The following KCNS3 variants were observed in gnomAD, a reference collection of about 807,000 sequenced individuals.
KCNS3 encodes the protein potassium voltage-gated channel modifier subfamily S member 3, also known as delayed-rectifier potassium channel regulatory subunit KCNS3.
In KCNS3, 13 loss-of-function variants were observed where a neutral mutation model predicts 31.0. That is an observed-to-expected ratio of 0.42 (90% CI 0.27 to 0.67). The LOEUF is 0.67. KCNS3 is among the 30% of genes least tolerant of loss of function. The probability of loss-of-function intolerance (pLI) is 0.25; values close to 1 mark genes in which losing one functional copy is unlikely to be tolerated. For missense variants in KCNS3, 545 were observed against 622.4 expected (o/e 0.88, Z 1.32); for synonymous variants, 238 against 241.5 (o/e 0.99, Z 0.13).
chr2:17,905,864 C>A (rs973966616), intron 1 of KCNS3, among the ~76,000 whole-genome samples: 3 of 151,932 alleles, frequency 2.0e-5, no homozygotes, highest in Admixed American at 6.6e-5. Flanking sequence ...TTGGTTTGCC[C>A]GTATTTTATT....
Position 17,883,367 on chromosome 2 carries a change from A to G in KCNS3, c.-252+4561A>G, listed in dbSNP as rs554207362. Among the ~76,000 whole-genome samples the G allele has an allele frequency of 2.7e-4, 34 of 124,974 alleles. No individual in the cohort carries two copies. The South Asian group carries it at 9.0e-3, about 33-fold the overall frequency. 82.0% of individuals were successfully genotyped at this position (124,974 alleles called of 152,430 possible). A position where few individuals can be genotyped will look rare whatever the true frequency, so the allele number is the denominator to read the frequency against. The stretch of plus-strand genomic sequence containing the variant: ...TTATGTACTATGCTAGGTGCTGGGT[A>G]TACTGTGGTAAAGGAAACGGTGGGG... On this transcript the variant is annotated intron_variant, in intron 1 of 2. Transcript: ENST00000304101.
chr2:17,931,366 C>T lies in KCNS3; in HGVS notation c.358C>T (p.Arg120Cys), dbSNP rs1398464477. ...ELFIDSCCSN[R>C]YQERKEENHE... ...CTTCATTGATTCTTGCTGCAGCAAT[C>T]GCTACCAGGAACGCAAGGAGGAAAA... The change falls in exon 3 of 3, where the codon CGC (arginine) becomes TGC (cysteine). Residue 120 changes from arginine to cysteine, a missense_variant. Physicochemically the swap from Arg to Cys is radical, Grantham distance 180 (BLOSUM62 -3). Coordinates refer to ENST00000304101, the MANE Select transcript of KCNS3 (RefSeq NM_002252.5). This position sits in a 1 kb window ranked among gnomAD's most constrained non-coding sequence, Gnocchi z 5.4. The T allele has an allele frequency of 5.6e-6, 9 of 1,614,104 alleles. No homozygotes were observed. Among genetic ancestry groups the T allele is most frequent in the Admixed American group, 1.7e-5 (1 of 60,014 alleles).
chr2:17,907,325 C>T (rs1662347173), intron 1 of KCNS3, among the ~76,000 whole-genome samples: 1 of 152,180 alleles, frequency 6.6e-6, no homozygotes, highest in Non-Finnish European at 1.5e-5. Context: ...GATCTTCCTC[C>T]ATCCCTTTAT....
At chr2:17,930,102 G>A (rs572766113) in intron 2 of KCNS3, among the ~76,000 whole-genome samples, 7 of 152,276 alleles carry the variant, frequency 4.6e-5, no homozygotes, top group African/African-American at 1.4e-4. Flanking sequence ...AACAGGCCAC[G>A]TGCTCAGCCA....
chr2:17,914,125 C>T lies in KCNS3; in HGVS notation c.-251-3555C>T, dbSNP rs553119870. On this transcript the variant is annotated intron_variant, in intron 1 of 2. Transcript: ENST00000304101. ...AACTACAGAATTTCACCTCAGGTGTCCCAGAGCTGATCAAACTGTAGGAGG... is the reference window on the plus strand; with the variant it reads ...AACTACAGAATTTCACCTCAGGTGTTCCAGAGCTGATCAAACTGTAGGAGG... 1.6e-4 allele frequency among the ~76,000 whole-genome samples: 24 copies of T among 152,304 alleles called. No individual in the cohort carries two copies. In the South Asian group the frequency reaches 3.7e-3, roughly 24 times the overall value.
rs1437034236 is a variant in KCNS3, at chr2:17,931,280, T to C, written c.272T>C (p.Met91Thr). The change falls in exon 3 of 3, where the codon ATG becomes ACG. Residue 91 changes from methionine (M) to threonine (T), a missense_variant. Met to Thr is a moderately conservative substitution (Grantham distance 81). Transcript: ENST00000304101. This position sits in a 1 kb window ranked among gnomAD's most constrained non-coding sequence, Gnocchi z 5.4. ...NFYYTGKLHVMEELCVFSFCQ... is the reference protein window; with the variant it reads ...NFYYTGKLHVTEELCVFSFCQ... ...TATTACACGGGGAAGCTGCATGTCA[T>C]GGAGGAGCTGTGCGTATTCTCATTC... The C allele has an allele frequency of 1.9e-6, 3 of 1,614,066 alleles. No homozygotes were observed. In the African/African-American group the frequency reaches 4.0e-5, roughly 22 times the overall value.
In KCNS3 at chr2:17,931,408, G is replaced by A; in HGVS notation, c.400G>A (p.Asp134Asn). Residue 134 changes from aspartate (D) to asparagine (N), a missense_variant, in exon 3 of 3, where the codon GAC (aspartate) becomes AAC (asparagine). By Grantham distance (23) the Asp-to-Asn change is conservative. Coordinates refer to ENST00000304101, the MANE Select transcript of KCNS3 (RefSeq NM_002252.5). The surrounding 1 kb of genome is among the most constrained non-coding windows in gnomAD (Gnocchi z 5.4). Reference sequence around the variant, plus strand: ...GGAGGAAAACCACGAGAAGGACTGGGACCAGAAAAGCCATGATGTGAGTAC... The same window carrying A: ...GGAGGAAAACCACGAGAAGGACTGGAACCAGAAAAGCCATGATGTGAGTAC... ...RKEENHEKDW[D>N]QKSHDVSTDS... 1 of 1,614,178 alleles carries A rather than the reference G, an allele frequency of 6.2e-7. No homozygotes were observed. Among genetic ancestry groups the A allele is most frequent in the Non-Finnish European group, 8.5e-7 (1 of 1,180,030 alleles).
intron 1 of KCNS3, among the ~76,000 whole-genome samples, chr2:17,907,382 C>T (rs1040206897): frequency 6.6e-6 from 1 of 152,184 alleles, no homozygotes; most frequent in African/African-American, 2.4e-5. Flanking sequence ...CTCCTGAATA[C>T]AGCGCACTGA....
intron 2 of KCNS3, among the ~76,000 whole-genome samples, chr2:17,926,440 G>A (rs901245514): frequency 6.6e-6 from 1 of 152,228 alleles, no homozygotes; most frequent in African/African-American, 2.4e-5. Flanking sequence ...TTTCTGCACT[G>A]CCCTAGCAGA....
At chr2:17,888,636 T>TAC (rs1396566765) in intron 1 of KCNS3, among the ~76,000 whole-genome samples, 5 of 65,920 alleles carry the variant, frequency 7.6e-5, no homozygotes. Context: ...AATGTATATA[T>TAC]ATATATATAT....
intron 1 of KCNS3, among the ~76,000 whole-genome samples, chr2:17,903,988 G>A (rs1428679081): frequency 1.3e-5 from 2 of 152,070 alleles, no homozygotes; most frequent in Non-Finnish European, 2.9e-5. Context: ...TGGGATGGCT[G>A]GGTCAAATGG....
chr2:17,916,112 T>C (rs1662581292), intron 1 of KCNS3, among the ~76,000 whole-genome samples: 1 of 152,182 alleles, frequency 6.6e-6, no homozygotes, highest in African/African-American at 2.4e-5. Context: ...GCCTAAATAT[T>C]TGGTTATTTT....
In KCNS3 at chr2:17,932,591, C is replaced by A; in HGVS notation, c.*107C>A. ...AAATCATTTAATTCTCAGGGTGTAC[C>A]TTTCAGCCATAGTTGGACATTCATT... is the stretch of plus-strand genomic sequence containing the variant. On this transcript the variant is annotated 3_prime_UTR_variant, in exon 3 of 3. Transcript: ENST00000304101. 1.7e-6 allele frequency: 2 copies of A among 1,206,056 alleles called. No homozygotes were observed. The highest frequency in any genetic ancestry group is 1.5e-5 in the African/African-American group (1 of 66,016). The allele number at this position is 1,206,056 out of a possible 1,614,324, so 74.7% of individuals were successfully genotyped here.
At chr2:17,925,084 G>A (rs1662803849) in intron 2 of KCNS3, among the ~76,000 whole-genome samples, 1 of 130,242 alleles carries the variant, frequency 7.7e-6, no homozygotes, top group Non-Finnish European at 1.7e-5. Flanking sequence ...TCTTTCTAGT[G>A]TAAACTAAAA....
intron 1 of KCNS3, among the ~76,000 whole-genome samples, chr2:17,888,670 TATAA>T (rs1558447074): frequency 7.7e-5 from 10 of 129,180 alleles, no homozygotes; most frequent in African/African-American, 2.6e-4. Flanking sequence ...TATATATATA[TATAA>T]AGAAAAGGGT....
At chr2:17,904,679 G>A (rs1211110636) in intron 1 of KCNS3, among the ~76,000 whole-genome samples, 3 of 152,076 alleles carry the variant, frequency 2.0e-5, no homozygotes, top group Non-Finnish European at 4.4e-5. Flanking sequence ...TCTACATATG[G>A]CTAGCCAGTT....
intron 1 of KCNS3, among the ~76,000 whole-genome samples, chr2:17,892,839 C>T (rs985485505): frequency 2.6e-5 from 4 of 152,108 alleles, no homozygotes; most frequent in African/African-American, 9.7e-5. Context: ...GTGGAGGTAG[C>T]GGAGGGTGCA....
chr2:17,888,437 C>T lies in KCNS3; in HGVS notation c.-252+9631C>T, dbSNP rs557414610. Among the ~76,000 whole-genome samples, 4 of 151,254 alleles carry T rather than the reference C, an allele frequency of 2.6e-5. No homozygotes were observed. In the East Asian group the frequency reaches 7.8e-4, roughly 29 times the overall value. On this transcript the variant is annotated intron_variant, in intron 1 of 2. Transcript: ENST00000304101. ...TTTCATTCTCCTACAGGTGGCTACC[C>T]AATTATCCCAGCACCATTTATTGAA...
Position 17,931,104 on chromosome 2 carries a change from C to A in KCNS3, c.96C>A (p.Thr32=). Reference sequence around the variant, plus strand: ...TTAAGCAGTCTGTTGACCAAAGCACCCTCCTGCGGTTTCCTCACACCAGAC... The same window carrying A: ...TTAAGCAGTCTGTTGACCAAAGCACACTCCTGCGGTTTCCTCACACCAGAC... ...GGFKQSVDQS[T]LLRFPHTRLG... is the part of the protein sequence containing the mutation. The change falls in exon 3 of 3, where the codon ACC becomes ACA. Residue 32 remains threonine, a synonymous_variant. Transcript: ENST00000304101. This position sits in a 1 kb window ranked among gnomAD's most constrained non-coding sequence, Gnocchi z 5.4. The A allele has an allele frequency of 1.2e-6, 2 of 1,614,166 alleles. No individual in the cohort carries two copies. Among genetic ancestry groups the A allele is most frequent in the Non-Finnish European group, 1.7e-6 (2 of 1,180,030 alleles).
Sources: gnomAD v4.1 joint callset for allele counts (sites outside exome capture counted in the v4.1 genomes callset) on GRCh38, gnomAD v4.1.1 for gene constraint, Gnocchi (gnomAD v3.1) non-coding constraint, MANE v1.5 for transcripts, NCBI Gene and HGNC (gene_info 2026-07-23, HGNC 2026-07-21) for gene names.